Variants in COL2A1 observed in about 807,000 individuals in gnomAD.
COL2A1 encodes the protein collagen alpha-1(II) chain.
Under a neutral mutation model 204.5 loss-of-function variants are expected in COL2A1, and 28 were observed. The ratio of observed to expected loss-of-function variants is 0.14; its 90% CI spans 0.10 to 0.19. The LOEUF (loss-of-function observed/expected upper bound fraction) is 0.19, where lower values mean the gene tolerates loss of function less well. COL2A1 is among the 10% of genes least tolerant of loss of function. The pLI, the probability that COL2A1 is intolerant of heterozygous loss-of-function variation, is 1.00. For missense variants in COL2A1, 1,388 were observed against 2,027.5 expected, an observed-to-expected ratio of 0.68 and a Z score of 6.06; for synonymous variants, 708 against 718.7, an observed-to-expected ratio of 0.99 and a Z score of 0.24.
intron 29 of COL2A1, 137 bp from the exon 30 acceptor site, chr12:47,983,873 C>T (rs1565679764): frequency 1.0e-6 from 1 of 974,306 alleles, no homozygotes; most frequent in Non-Finnish European, 1.6e-6. Flanking sequence ...GCATGCATGC[C>T]TCCCTGCACT....
chr12:47,999,386 C>T (rs1282504668), intron 2 of COL2A1, among the ~76,000 whole-genome samples: 1 of 152,322 alleles, frequency 6.6e-6, no homozygotes, highest in Non-Finnish European at 1.5e-5. Flanking sequence ...ATGGTCAACT[C>T]CAAGAGAGGT....
chr12:47,993,709 G>A, intron 14 of COL2A1, 100 bp downstream of exon 14: 1 of 1,387,166 alleles, frequency 7.2e-7, no homozygotes, highest in Non-Finnish European at 1.0e-6. Context: ...CTGTTCTGAG[G>A]AGCTAGTTCC....
chr12:47,994,482 A>G lies in COL2A1; in HGVS notation c.763-5T>C. 1 of 1,613,710 alleles carries G rather than the reference A, an allele frequency of 6.2e-7. No individual in the cohort carries two copies. The highest frequency in any genetic ancestry group is 8.5e-7 in the Non-Finnish European group (1 of 1,179,980). On this transcript the variant is annotated splice_region_variant and splice_polypyrimidine_tract_variant and intron_variant, in intron 11 of 53. Coordinates refer to ENST00000380518, the MANE Select transcript of COL2A1 (RefSeq NM_001844.5). ...TCCAGGTTTTCCAGCTTCACCCTGA[A>G]GGGAGAGAGAGAGATATCCCAGCTT... is the stretch of plus-strand genomic sequence containing the variant.
chr12:48,004,609 G>T (rs1940392112), upstream of COL2A1: 2 of 314,874 alleles, frequency 6.4e-6, no homozygotes, highest in Non-Finnish European at 1.2e-5. Flanking sequence ...GAGCCCGCCT[G>T]GGCCCTGCCA....
At chr12:47,975,659 G>C in intron 50 of COL2A1, 54 bp from the exon 51 acceptor site, 13 of 1,568,234 alleles carry the variant, frequency 8.3e-6, no homozygotes, top group Admixed American at 3.5e-5. Flanking sequence ...GCCCCTCCAT[G>C]TCCATCCCCA....
rs756552117 is a variant in COL2A1, at chr12:47,997,939, C to T, written c.376-15G>A. 7.4e-6 allele frequency: 12 copies of T among 1,614,168 alleles called. No homozygotes were observed. Among genetic ancestry groups the T allele is most frequent in the Non-Finnish European group, 1.0e-5 (12 of 1,180,038 alleles). On this transcript the variant is annotated splice_polypyrimidine_tract_variant and intron_variant, in intron 5 of 53. Coordinates refer to ENST00000380518, the MANE Select transcript of COL2A1 (RefSeq NM_001844.5). ...CCTGCAGGTCCCTGAAGGTGAAGAACATGGTAAGATGACAGCAAGGCCAGG... is the reference window on the plus strand; with the variant it reads ...CCTGCAGGTCCCTGAAGGTGAAGAATATGGTAAGATGACAGCAAGGCCAGG...
chr12:47,974,016 C>T (rs903349499), intron 53 of COL2A1, 73 bp downstream of exon 53: 40 of 1,610,794 alleles, frequency 2.5e-5, no homozygotes, highest in Middle Eastern at 1.7e-4. Context: ...TGACAGCTGC[C>T]GCGGGCCAAC....
intron 29 of COL2A1, 32 bp from the exon 30 acceptor site, chr12:47,983,768 A>G: frequency 1.3e-6 from 2 of 1,563,324 alleles, no homozygotes; most frequent in Non-Finnish European, 1.7e-6. Flanking sequence ...GAGCTGAGCC[A>G]GTGTTCCAGA....
chr12:47,976,126 G>A lies in COL2A1; in HGVS notation c.3490-56C>T, dbSNP rs2136514889. On this transcript the variant is annotated intron_variant, in intron 49 of 53. Transcript: ENST00000380518. The surrounding 1 kb of genome is among the most constrained non-coding windows in gnomAD (Gnocchi z 4.3). ...TGGTCACCACAGGGAAGGCTGGGGAGTCGCTGGGGCTGGGTAGGTGGCTGT... is the reference window on the plus strand; with the variant it reads ...TGGTCACCACAGGGAAGGCTGGGGAATCGCTGGGGCTGGGTAGGTGGCTGT... The A allele has an allele frequency of 2.3e-6, 3 of 1,310,848 alleles. No individual in the cohort carries two copies. Among genetic ancestry groups the A allele is most frequent in the East Asian group, 4.6e-5 (2 of 43,536 alleles). The allele number at this position is 1,310,848 out of a possible 1,614,324, so 81.2% of individuals were successfully genotyped here. A position where few individuals can be genotyped will look rare whatever the true frequency, so the allele number is the denominator to read the frequency against.
Position 47,996,593 on chromosome 12 carries a change from A to G in COL2A1, c.564T>C (p.Asp188=), listed in dbSNP as rs763401709. ...NFAAQMAGGF[D]EKAGGAQLGV... ...CCAACTGGGCGCCACCAGCCTTTTC[A>G]TCAAATCCTCCAGCCATCTGGGCAG... The change falls in exon 8 of 54, where the codon GAT becomes GAC. Residue 188 remains aspartate, a synonymous_variant. Coordinates refer to ENST00000380518, the MANE Select transcript of COL2A1 (RefSeq NM_001844.5). 8.7e-6 allele frequency: 14 copies of G among 1,614,112 alleles called. No homozygotes were observed. The African/African-American group carries it at 1.7e-4, about 20-fold the overall frequency.
Position 47,987,107 on chromosome 12 carries a change from T to C in COL2A1, c.1336A>G (p.Thr446Ala), listed in dbSNP as rs1297878387. Residue 446 changes from threonine to alanine, a missense_variant, in exon 21 of 54, where the codon ACT becomes GCT. Transcript: ENST00000380518. This position sits in a 1 kb window ranked among gnomAD's most constrained non-coding sequence, Gnocchi z 4.1. ...TGACCTTTCGGGCCCAGAGGACCAG[T>C]TGCACCTTGAGGGCCAGGAGGGCCC... ...PRGPPGPQGA[T>A]GPLGPKGQTG... is the part of the protein sequence containing the mutation. 2 of 1,614,026 alleles carry C rather than the reference T, an allele frequency of 1.2e-6. No individual in the cohort carries two copies. The highest frequency in any genetic ancestry group is 4.5e-5 in the East Asian group (2 of 44,870).
At chr12:47,979,708 G>T in intron 40 of COL2A1, 144 bp from the exon 41 acceptor site, 2 of 816,394 alleles carry the variant, frequency 2.4e-6, no homozygotes, top group Non-Finnish European at 4.1e-6. Context: ...CAGGGAGGGA[G>T]AAAGGGCCCC....
intron 11 of COL2A1, among the ~76,000 whole-genome samples, 173 bp from the exon 12 acceptor site, chr12:47,994,650 T>G (rs1421045513): frequency 6.6e-6 from 1 of 152,236 alleles, no homozygotes; most frequent in African/African-American, 2.4e-5. Context: ...GGTCACCATT[T>G]ATTCTTTTGG....
At chr12:47,994,297 G>A in intron 12 of COL2A1, 127 bp downstream of exon 12, 3 of 1,092,348 alleles carry the variant, frequency 2.7e-6, no homozygotes, top group Non-Finnish European at 4.2e-6. Context: ...ACATGGTCGT[G>A]ATAAATATAG....
rs746108926 is a variant in COL2A1, at chr12:47,997,631, G to T, written c.506C>A (p.Pro169His). ...TCCACCAAGACCAGGGGGACCAGGG[G>T]GGCCGGGAGGACCAGGGGGGCCAGG... ...GNPGPPGPPGPPGPPGLGGNF... is the reference protein window; with the variant it reads ...GNPGPPGPPGHPGPPGLGGNF... The change falls in exon 7 of 54, where the codon CCC becomes CAC. Residue 169 changes from proline to histidine, a missense_variant. Coordinates refer to ENST00000380518, the MANE Select transcript of COL2A1 (RefSeq NM_001844.5). 21 of 1,613,636 alleles carry T rather than the reference G, an allele frequency of 1.3e-5. No homozygotes were observed. The Admixed American group carries it at 3.3e-4, about 26-fold the overall frequency.
At chr12:47,985,513 G>A (rs1315810432) in intron 26 of COL2A1, 21 bp downstream of exon 26, 1 of 1,612,058 alleles carries the variant, frequency 6.2e-7, no homozygotes, top group South Asian at 1.1e-5. Context: ...CCTCCTAGCA[G>A]CCCTCAGAGG....
intron 11 of COL2A1, 61 bp from the exon 12 acceptor site, chr12:47,994,538 C>G: frequency 6.4e-7 from 1 of 1,571,630 alleles, no homozygotes; most frequent in Non-Finnish European, 8.7e-7. Context: ...AGTGGGGGCA[C>G]CCCAGAGGGC....
intron 30 of COL2A1, 27 bp downstream of exon 30, chr12:47,983,656 C>A: frequency 6.3e-7 from 1 of 1,587,794 alleles, no homozygotes; most frequent in Admixed American, 1.8e-5. Flanking sequence ...CAAAGGACTG[C>A]ACAGAGAGCC....
chr12:47,974,378 A>C, intron 52 of COL2A1, 47 bp from the exon 53 acceptor site: 1 of 1,609,698 alleles, frequency 6.2e-7, no homozygotes, highest in Non-Finnish European at 8.5e-7. Flanking sequence ...GCTGGCATTC[A>C]ATGGGACCAG....
Sources: gnomAD v4.1 joint callset for allele counts (sites outside exome capture counted in the v4.1 genomes callset) on GRCh38, gnomAD v4.1.1 for gene constraint, Gnocchi (gnomAD v3.1) non-coding constraint, MANE v1.5 for transcripts, NCBI Gene and HGNC (gene_info 2026-07-23, HGNC 2026-07-21) for gene names.